The following ATP9A variants were observed in gnomAD, a reference collection of about 807,000 sequenced individuals.
ATP9A encodes the protein ATPase phospholipid transporting 9A.
In ATP9A, 52 loss-of-function variants were observed where a neutral mutation model predicts 144.1. The observed-to-expected ratio is 0.36, with a 90% CI of 0.29 to 0.45. The LOEUF (loss-of-function observed/expected upper bound fraction) is 0.45. ATP9A is among the 20% of genes least tolerant of loss of function. The pLI is 1.00. For missense variants in ATP9A, 947 were observed against 1,392.7 expected, an observed-to-expected ratio of 0.68 and a Z score of 5.09; for synonymous variants, 582 against 557.4, an observed-to-expected ratio of 1.04 and a Z score of -0.62.
intron 19 of ATP9A, among the ~76,000 whole-genome samples, chr20:51,620,486 G>C (rs1343191200): frequency 6.6e-6 from 1 of 152,058 alleles, no homozygotes; most frequent in Non-Finnish European, 1.5e-5. Context: ...TATTTTATGT[G>C]CGTTTCTACT....
chr20:51,709,683 C>T (rs1169907304), intron 4 of ATP9A, among the ~76,000 whole-genome samples: 4 of 152,130 alleles, frequency 2.6e-5, no homozygotes, highest in Non-Finnish European at 5.9e-5. Context: ...GTCCAGGTCC[C>T]ACCACTGCAC....
intron 4 of ATP9A, among the ~76,000 whole-genome samples, chr20:51,705,681 T>C (rs1437073428): frequency 6.6e-6 from 1 of 152,224 alleles, no homozygotes; most frequent in Non-Finnish European, 1.5e-5. Context: ...ATGGAATTCA[T>C]CTTGTGAAAA....
chr20:51,666,518 T>C (rs765746236), intron 13 of ATP9A, among the ~76,000 whole-genome samples: 16 of 151,800 alleles, frequency 1.1e-4, no homozygotes, highest in Non-Finnish European at 1.8e-4. Flanking sequence ...CCGTCTCTAC[T>C]AAAAATATAA....
intron 1 of ATP9A, among the ~76,000 whole-genome samples, chr20:51,753,232 T>C (rs1338176098): frequency 6.6e-6 from 1 of 152,136 alleles, no homozygotes; most frequent in African/African-American, 2.4e-5. Flanking sequence ...TTCAAAGAAA[T>C]ATGCTGTCAT....
intron 1 of ATP9A, among the ~76,000 whole-genome samples, chr20:51,762,185 T>C (rs1236315577): frequency 6.6e-6 from 1 of 152,028 alleles, no homozygotes; most frequent in Non-Finnish European, 1.5e-5. Context: ...GCCAATACGG[T>C]GAAGCCCCGT....
At chr20:51,687,197 TGCCCAGGCGTG>T (rs1225805122) in intron 9 of ATP9A, among the ~76,000 whole-genome samples, 173 of 149,528 alleles carry the variant, frequency 1.2e-3, no homozygotes, top group African/African-American at 4.2e-3. Flanking sequence ...TGGGTGGCTG[TGCCCAGGCGTG>T]GCCCAGGCAT....
At chr20:51,654,311 G>A (rs149092365) in intron 14 of ATP9A, among the ~76,000 whole-genome samples, 234 of 152,252 alleles carry the variant, frequency 1.5e-3, no homozygotes, top group African/African-American at 5.4e-3. Context: ...GAAGCACCAG[G>A]ACACAGAAGA....
At chr20:51,641,346 G>A (rs1026290887) in intron 14 of ATP9A, among the ~76,000 whole-genome samples, 13 of 152,072 alleles carry the variant, frequency 8.5e-5, no homozygotes, top group African/African-American at 2.2e-4. Flanking sequence ...ACAACAGAGC[G>A]AGACTGTATC....
At chr20:51,743,814 CTGGCCAACA>C (rs1447308045) in intron 1 of ATP9A, among the ~76,000 whole-genome samples, 1 of 151,170 alleles carries the variant, frequency 6.6e-6, no homozygotes, top group African/African-American at 2.4e-5. Context: ...CGAGACCATC[CTGGCCAACA>C]TGGTGAAACC....
At chr20:51,620,585 G>C (rs2077222502) in intron 19 of ATP9A, among the ~76,000 whole-genome samples, 1 of 151,914 alleles carries the variant, frequency 6.6e-6, no homozygotes, top group Non-Finnish European at 1.5e-5. Flanking sequence ...ACACGCATTC[G>C]CTCCATAAGT....
intron 13 of ATP9A, among the ~76,000 whole-genome samples, 191 bp from the exon 14 acceptor site, chr20:51,657,341 A>G (rs1374703153): frequency 2.0e-5 from 3 of 152,188 alleles, no homozygotes; most frequent in Non-Finnish European, 4.4e-5. Flanking sequence ...CTCGGCAAAA[A>G]AAAAAGAAAA....
chr20:51,729,857 T>G lies in ATP9A; in HGVS notation c.190A>C (p.Asn64His). The change falls in exon 2 of 28, where the codon AAT becomes CAT. Residue 64 changes from asparagine (N) to histidine (H), a missense_variant. Asn to His is a moderately conservative substitution (Grantham distance 68). Around this residue, in one of 2 missense-constraint regions of ATP9A, gnomAD observed 770 missense variants for 1,047.9 expected, o/e 0.73. Transcript: ENST00000338821. Reference sequence around the variant, plus strand: ...ACCCCAGGAAGAAAGGTGAAGAAATTGTACTTCTGATTGTTGATGACATTC... The same window carrying G: ...ACCCCAGGAAGAAAGGTGAAGAAATGGTACTTCTGATTGTTGATGACATTC... ...PRNVINNQKY[N>H]FFTFLPGVLF... The G allele has an allele frequency of 6.3e-7, 1 of 1,593,488 alleles. No homozygotes were observed. The highest frequency in any genetic ancestry group is 8.5e-7 in the Non-Finnish European group (1 of 1,173,772).
At chr20:51,718,904 T>C (rs1207069939) in intron 3 of ATP9A, among the ~76,000 whole-genome samples, 1 of 135,118 alleles carries the variant, frequency 7.4e-6, no homozygotes, top group African/African-American at 2.9e-5. Context: ...CCAAGGCAGG[T>C]GGATCACGAG....
At position 51,601,142 on chromosome 20, in the gene ATP9A, T is replaced by A; in HGVS notation, c.*69A>T. The A allele has an allele frequency of 6.7e-7, 1 of 1,495,624 alleles. No individual in the cohort carries two copies. The highest frequency in any genetic ancestry group is 8.9e-7 in the Non-Finnish European group (1 of 1,117,990). 92.6% of individuals were successfully genotyped at this position (1,495,624 alleles called of 1,614,324 possible). ...CAAAATCCACAGGTGGCGGTTAATA[T>A]AAATGGAACTTGAGCTCTGTCCATC... On this transcript the variant is annotated 3_prime_UTR_variant, in exon 28 of 28. Transcript: ENST00000338821.
intron 15 of ATP9A, among the ~76,000 whole-genome samples, chr20:51,633,874 G>T (rs1236478168): frequency 6.7e-6 from 1 of 148,740 alleles, no homozygotes; most frequent in African/African-American, 2.5e-5. Context: ...GAGGGAGAAA[G>T]GAAGGAAGGA....
intron 1 of ATP9A, among the ~76,000 whole-genome samples, chr20:51,733,971 C>T (rs761892154): frequency 6.6e-6 from 1 of 151,896 alleles, no homozygotes; most frequent in African/African-American, 2.4e-5. Context: ...CCATGCCTGG[C>T]CCCTCATGCC....
At chr20:51,726,313 CAAAAAAAAAAAAA>C (rs11476208) in intron 2 of ATP9A, among the ~76,000 whole-genome samples, 9,511 of 71,452 alleles carry the variant, frequency 0.13, 807 homozygotes, top group African/African-American at 0.32. Flanking sequence ...AACTCTGTCT[CAAAAAAAAAAAAA>C]AAAAAAAAAA....
chr20:51,641,355 T>C (rs2077317929), intron 14 of ATP9A, among the ~76,000 whole-genome samples: 3 of 151,262 alleles, frequency 2.0e-5, no homozygotes, highest in South Asian at 4.2e-4. Context: ...CGAGACTGTA[T>C]CTCAAAAAAA....
At chr20:51,668,955 T>C (rs2077445043) in intron 13 of ATP9A, among the ~76,000 whole-genome samples, 1 of 152,226 alleles carries the variant, frequency 6.6e-6, no homozygotes. Flanking sequence ...CTTTAACCTG[T>C]ATACAGAGAT....
Sources: gnomAD v4.1 joint callset for allele counts (sites outside exome capture counted in the v4.1 genomes callset) on GRCh38, gnomAD v4.1.1 for gene constraint, gnomAD v4.1.1 regional missense constraint, MANE v1.5 for transcripts, NCBI Gene and HGNC (gene_info 2026-07-23, HGNC 2026-07-21) for gene names.